Variants in OR6N1 observed in about 807,000 individuals in gnomAD.
OR6N1 encodes the protein olfactory receptor family 6 subfamily N member 1.
For missense variants in OR6N1, 394 were observed against 371.7 expected (o/e 1.06, Z -0.49); for synonymous variants, 170 against 150.7 (o/e 1.13, Z -0.94).
chr1:158,805,786 C>T, the OR6N1 span, among the ~76,000 whole-genome samples: 1 of 152,112 alleles, frequency 6.6e-6, no homozygotes, highest in African/African-American at 2.4e-5. Context: ...CTATCACACC[C>T]ATTTGACTCT....
upstream of OR6N1, chr1:158,774,127 A>T (rs149004549): frequency 1.3e-5 from 2 of 152,146 alleles, no homozygotes; most frequent in African/African-American, 4.8e-5. Context: ...CTGCAGCTCC[A>T]TTGACTTCCT....
At chr1:158,823,326 A>G in the OR6N1 span, among the ~76,000 whole-genome samples, 2 of 152,112 alleles carry the variant, frequency 1.3e-5, no homozygotes, top group Non-Finnish European at 2.9e-5. Context: ...TGAGCTGTAA[A>G]TCTGTCTGGT....
chr1:158,837,593 C>T, the OR6N1 span, among the ~76,000 whole-genome samples: 22 of 151,864 alleles, frequency 1.4e-4, no homozygotes, highest in African/African-American at 5.3e-4. Context: ...GTCCTTACAT[C>T]TGTAAAATGA....
chr1:158,813,062 A>G, the OR6N1 span, among the ~76,000 whole-genome samples: 5 of 152,218 alleles, frequency 3.3e-5, no homozygotes. Flanking sequence ...TTAAATTACA[A>G]TTAAACAACT....
chr1:158,839,920 C>A, the OR6N1 span, among the ~76,000 whole-genome samples: 1 of 152,128 alleles, frequency 6.6e-6, no homozygotes, highest in Non-Finnish European at 1.5e-5. Context: ...GAGAAGAGAA[C>A]AATTTTTTAA....
the OR6N1 span, chr1:158,777,674 AT>A: frequency 1.9e-5 from 26 of 1,358,326 alleles, no homozygotes; most frequent in African/African-American, 5.8e-5. Context: ...AAAACATTGG[AT>A]TGAGATGACT....
the OR6N1 span, among the ~76,000 whole-genome samples, chr1:158,805,753 G>C: frequency 6.6e-6 from 1 of 152,168 alleles, no homozygotes; most frequent in Admixed American, 6.5e-5. Flanking sequence ...TTCTGGTGGA[G>C]TTTCAAGAGG....
chr1:158,835,215 A>G, the OR6N1 span, among the ~76,000 whole-genome samples: 1 of 152,160 alleles, frequency 6.6e-6, no homozygotes, highest in Non-Finnish European at 1.5e-5. Context: ...TTCCTTGGGT[A>G]TTGACACCTT....
At chr1:158,810,573 T>G in the OR6N1 span, among the ~76,000 whole-genome samples, 4 of 152,168 alleles carry the variant, frequency 2.6e-5, no homozygotes, top group Non-Finnish European at 5.9e-5. Context: ...CGCTGTGGAC[T>G]TTACAGTTTA....
chr1:158,765,513 A>G lies in OR6N1; in HGVS notation c.*231T>C, dbSNP rs889991707. The G allele has an allele frequency of 2.3e-5, 11 of 470,684 alleles. No homozygotes were observed. Among genetic ancestry groups the G allele is most frequent in the Non-Finnish European group, 3.8e-5 (10 of 263,290 alleles). 29.2% of individuals were successfully genotyped at this position (470,684 alleles called of 1,614,324 possible). A position where few individuals can be genotyped will look rare whatever the true frequency, so the allele number is the denominator to read the frequency against. On this transcript the variant is annotated 3_prime_UTR_variant, in exon 2 of 2. Transcript: ENST00000641846. ...TCTGAGTTTTGAAAATCACTGCACT[A>G]CATCATGTTGAAGGGATGTGTACTT...
chr1:158,821,929 A>T, the OR6N1 span, among the ~76,000 whole-genome samples: 3 of 152,176 alleles, frequency 2.0e-5, no homozygotes, highest in Non-Finnish European at 4.4e-5. Flanking sequence ...CCACATCATC[A>T]CCAGCATTTG....
At chr1:158,780,168 A>G in the OR6N1 span, among the ~76,000 whole-genome samples, 12 of 152,202 alleles carry the variant, frequency 7.9e-5, no homozygotes, top group Non-Finnish European at 1.6e-4. Context: ...AAGACCTATC[A>G]TTGTTCCCAC....
At chr1:158,789,283 T>C in the OR6N1 span, among the ~76,000 whole-genome samples, 6 of 152,348 alleles carry the variant, frequency 3.9e-5, no homozygotes. Context: ...ATTTTGGCTA[T>C]TGTAACAGTG....
the OR6N1 span, among the ~76,000 whole-genome samples, chr1:158,833,005 A>G: frequency 6.6e-6 from 1 of 152,032 alleles, no homozygotes; most frequent in South Asian, 2.1e-4. Context: ...TTATTTTTAA[A>G]AAATCTATAT....
At chr1:158,776,624 T>C, upstream of OR6N1, 4 of 959,468 alleles carry the variant, frequency 4.2e-6, no homozygotes, top group East Asian at 2.4e-5. Flanking sequence ...GATGGGAAGA[T>C]TACTCAAGGA....
the OR6N1 span, among the ~76,000 whole-genome samples, chr1:158,829,496 G>T: frequency 1.3e-5 from 2 of 152,100 alleles, no homozygotes; most frequent in South Asian, 4.1e-4. Flanking sequence ...TTCCCAACAA[G>T]TCCCTCATCT....
chr1:158,810,062 T>C, the OR6N1 span, among the ~76,000 whole-genome samples: 1 of 152,206 alleles, frequency 6.6e-6, no homozygotes, highest in East Asian at 1.9e-4. Context: ...GAGCAACTTT[T>C]TACTCAACCT....
At chr1:158,808,537 C>G in the OR6N1 span, 1 of 153,138 alleles carries the variant, frequency 6.5e-6, no homozygotes, top group Non-Finnish European at 1.5e-5. Context: ...TGTCTGTGCT[C>G]TCAGGTCGAC....
At chr1:158,815,801 G>T in the OR6N1 span, among the ~76,000 whole-genome samples, 1 of 152,266 alleles carries the variant, frequency 6.6e-6, no homozygotes, top group Middle Eastern at 3.4e-3. Flanking sequence ...TCAGTTTGCA[G>T]ATGAAGAAAC....
Sources: gnomAD v4.1 joint callset for allele counts (sites outside exome capture counted in the v4.1 genomes callset) on GRCh38, gnomAD v4.1.1 for gene constraint, MANE v1.5 for transcripts, NCBI Gene and HGNC (gene_info 2026-07-23, HGNC 2026-07-21) for gene names.